The following SYT15 variants were observed in gnomAD, a reference collection of about 807,000 sequenced individuals.
SYT15 encodes the protein synaptotagmin-15.
Under a neutral mutation model 30.1 loss-of-function variants are expected in SYT15, and 4 were observed. The observed-to-expected ratio is 0.13, with a 90% CI of 0.07 to 0.30. The LOEUF is 0.30. Among genes scored for constraint, SYT15 ranks in the 10% least tolerant of loss-of-function variants. The probability of loss-of-function intolerance (pLI) is 1.00; values close to 1 mark genes in which losing one functional copy is unlikely to be tolerated. For missense variants in SYT15, 49 were observed against 371.7 expected (o/e 0.13, Z 7.14); for synonymous variants, 19 against 166.3 (o/e 0.11, Z 6.82).
downstream of SYT15, among the ~76,000 whole-genome samples, chr10:46,594,544 C>T (rs3127770): frequency 0.027 from 3,790 of 141,614 alleles, 491 homozygotes; most frequent in African/African-American, 0.1. Flanking sequence ...CATGATATCT[C>T]GGCCCCTTCA....
In SYT15 at chr10:46,580,711, TGTGTGTGC is replaced by T. The variant is rs1339900545; in HGVS notation, c.213-175_213-168del. ...GTGTGTGTGTGTGTGTGTGTGTGTGTGTGTGTGCGTGTGTGTGTGTGTGTGTTGCCTGG... is the reference window on the plus strand; with the variant it reads ...GTGTGTGTGTGTGTGTGTGTGTGTGTGTGTGTGTGTGTGTGTGTTGCCTGG... On this transcript the variant is annotated intron_variant, in intron 2 of 7. Transcript: ENST00000374321. Among the ~76,000 whole-genome samples the T allele has an allele frequency of 6.5e-5, 8 of 122,418 alleles. No individual in the cohort carries two copies. The South Asian group carries it at 7.7e-4, about 12-fold the overall frequency. The allele number at this position is 122,418 out of a possible 152,430, so 80.3% of individuals were successfully genotyped here.
chr10:46,596,774 T>TA (rs1555045871), downstream of SYT15: 1 of 426,958 alleles, frequency 2.3e-6, no homozygotes, highest in Non-Finnish European at 4.6e-6. Flanking sequence ...GAAACACTGC[T>TA]ACCCGCCCAA....
rs1472480004 is a variant in SYT15, at chr10:46,590,765, CAT to C, written c.*3123_*3124del. The stretch of plus-strand genomic sequence containing the variant: ...ATAGGATTTTTAATGTACTCATTAA[CAT>C]ATATTCTCAAGCTGTTAAAAAGATT... On this transcript the variant is annotated 3_prime_UTR_variant, in exon 8 of 8. Coordinates refer to ENST00000374321, the MANE Select transcript of SYT15 (RefSeq NM_031912.5). 1 of 134,308 alleles carries C rather than the reference CAT, an allele frequency of 7.4e-6. No individual in the cohort carries two copies. The highest frequency in any genetic ancestry group is 2.9e-5 in the African/African-American group (1 of 33,942). 8.3% of individuals were successfully genotyped at this position (134,308 alleles called of 1,614,324 possible).
At chr10:46,584,254 C>T (rs1844586385) in intron 5 of SYT15, among the ~76,000 whole-genome samples, 1 of 151,794 alleles carries the variant, frequency 6.6e-6, no homozygotes, top group Admixed American at 6.5e-5. Context: ...CCCAGGAAGG[C>T]CCCAGCTGGC....
chr10:46,592,376 CATT>C (rs1236882288), downstream of SYT15, among the ~76,000 whole-genome samples: 2 of 135,728 alleles, frequency 1.5e-5, no homozygotes, highest in Admixed American at 1.5e-4. Context: ...CCTAACGAGA[CATT>C]ATTATTATTG....
chr10:46,594,623 T>C (rs1206911665), downstream of SYT15, among the ~76,000 whole-genome samples: 2 of 142,314 alleles, frequency 1.4e-5, no homozygotes, highest in Admixed American at 7.0e-5. Flanking sequence ...TCTGCTGCCT[T>C]TGCTGCCTCT....
downstream of SYT15, chr10:46,593,513 C>T (rs537566568): frequency 1.3e-5 from 2 of 149,618 alleles, no homozygotes; most frequent in African/African-American, 5.0e-5. Context: ...AATCGCTTGA[C>T]CTTGGGGAGG....
downstream of SYT15, chr10:46,596,749 G>C: frequency 2.5e-6 from 1 of 401,312 alleles, no homozygotes; most frequent in Non-Finnish European, 4.8e-6. Context: ...AAGAGTGAAA[G>C]TGAAAAATGG....
At position 46,580,703 on chromosome 10, in the gene SYT15, T is replaced by C. The variant is rs1453119005; in HGVS notation, c.213-191T>C. ...TGCTGTGTGTGTGTGTGTGTGTGTG[T>C]GTGTGTGTGTGTGTGCGTGTGTGTG... On this transcript the variant is annotated intron_variant, in intron 2 of 7. Transcript: ENST00000374321. 2.9e-5 allele frequency among the ~76,000 whole-genome samples: 4 copies of C among 138,520 alleles called. 2 individuals carry two copies. The highest frequency in any genetic ancestry group is 1.2e-4 in the African/African-American group (4 of 33,166). 90.9% of individuals were successfully genotyped at this position (138,520 alleles called of 152,430 possible).
chr10:46,592,126 T>A (rs1311296397), downstream of SYT15: 3 of 141,642 alleles, frequency 2.1e-5, no homozygotes, highest in Admixed American at 2.1e-4. Context: ...TTTCTGATTA[T>A]TTTTTTAATT....
downstream of SYT15, among the ~76,000 whole-genome samples, chr10:46,596,640 A>G (rs1418980836): frequency 7.0e-6 from 1 of 142,130 alleles, no homozygotes; most frequent in Non-Finnish European, 1.5e-5. Flanking sequence ...CAACAGCACT[A>G]TTCACATAAA....
At chr10:46,581,084 G>A in intron 3 of SYT15, 48 bp downstream of exon 3, 1 of 639,582 alleles carries the variant, frequency 1.6e-6, no homozygotes, top group Non-Finnish European at 2.5e-6. Flanking sequence ...CTGCTCGGGT[G>A]GCCCCATCTG....
At chr10:46,594,523 T>C (rs1275506395), downstream of SYT15, among the ~76,000 whole-genome samples, 1 of 140,338 alleles carries the variant, frequency 7.1e-6, no homozygotes, top group Non-Finnish European at 1.5e-5. Context: ...CTTTTCTGTG[T>C]CTCCCTTCTA....
chr10:46,596,190 G>A (rs1334505495), downstream of SYT15: 2 of 149,700 alleles, frequency 1.3e-5, no homozygotes, highest in Non-Finnish European at 1.5e-5. Context: ...CTGCTTTTGG[G>A]CCTCGATGCC....
intron 2 of SYT15, 82 bp from the exon 3 acceptor site, chr10:46,580,811 TG>T (rs1844112247): frequency 8.7e-7 from 1 of 1,154,032 alleles, no homozygotes; most frequent in African/African-American, 1.8e-5. Flanking sequence ...CTCCAGCCCC[TG>T]GTGCTCAACC....
chr10:46,593,598 A>AAAT (rs1845555741), downstream of SYT15: 1 of 146,376 alleles, frequency 6.8e-6, no homozygotes, highest in African/African-American at 2.6e-5. Context: ...CCGTCTCAAA[A>AAAT]AATAATAATA....
downstream of SYT15, among the ~76,000 whole-genome samples, chr10:46,597,023 C>G (rs1187663931): frequency 7.0e-6 from 1 of 142,584 alleles, no homozygotes; most frequent in Non-Finnish European, 1.5e-5. Context: ...AGATTTTATC[C>G]CAGGGGCAGG....
rs1160617773 is a variant in SYT15 at position 46,586,545 on chromosome 10, CA to C, written c.1123+781del. Among the ~76,000 whole-genome samples, 200 of 94,886 alleles carry C rather than the reference CA, an allele frequency of 2.1e-3. 10 individuals are homozygous for C. The highest frequency in any genetic ancestry group is 7.2e-3 in the Middle Eastern group (1 of 138). The allele number at this position is 94,886 out of a possible 152,430, so 62.2% of individuals were successfully genotyped here. A position where few individuals can be genotyped will look rare whatever the true frequency, so the allele number is the denominator to read the frequency against. On this transcript the variant is annotated intron_variant, in intron 7 of 7. Transcript: ENST00000374321. ...TGGGCAACAGAGCGAGACTTCGTCT[CA>C]AAAAAAAAAAAAGAGGTTGGCTGGG...
intron 1 of SYT15, 34 bp downstream of exon 1, chr10:46,579,209 GC>G (rs1466309823): frequency 2.4e-6 from 1 of 416,302 alleles, no homozygotes; most frequent in East Asian, 4.1e-5. Flanking sequence ...CCCAGCCCCG[GC>G]CCCTCTGCGA....
Sources: gnomAD v4.1 joint callset for allele counts (sites outside exome capture counted in the v4.1 genomes callset) on GRCh38, gnomAD v4.1.1 for gene constraint, MANE v1.5 for transcripts, NCBI Gene and HGNC (gene_info 2026-07-23, HGNC 2026-07-21) for gene names.